OTOGL: variants seen among roughly 807,000 people sequenced by gnomAD.
OTOGL encodes otogelin-like protein.
OTOGL carries 285 observed loss-of-function variants against 318.5 expected under a neutral mutation model. The ratio of observed to expected loss-of-function variants is 0.89; its 90% confidence interval spans 0.81 to 0.99. OTOGL has a LOEUF of 0.99. Among genes scored for constraint, OTOGL ranks in the 50% least tolerant of loss-of-function variants. The probability of loss-of-function intolerance (pLI) is 0.00; values close to 1 mark genes in which losing one functional copy is unlikely to be tolerated. For synonymous variants in OTOGL, 987 were observed against 936.5 expected (o/e 1.05, Z -0.99); for missense variants, 2,899 against 2,845.6 (o/e 1.02, Z -0.43).
At chr12:80,225,829 A>G (rs918743036) in intron 7 of OTOGL, among the ~76,000 whole-genome samples, 1 of 152,148 alleles carries the variant, frequency 6.6e-6, no homozygotes, top group Non-Finnish European at 1.5e-5. Flanking sequence ...TTCAAAGGAT[A>G]TGTTGATAAA....
chr12:80,336,534 C>G lies in OTOGL; in HGVS notation c.4722C>G (p.Ile1574Met). The G allele has an allele frequency of 6.2e-7, 1 of 1,607,986 alleles. No homozygotes were observed. The highest frequency in any genetic ancestry group is 1.1e-5 in the South Asian group (1 of 90,146). The change falls in exon 40 of 59, where the codon ATC becomes ATG. Residue 1574 changes from isoleucine to methionine, a missense_variant. Around this residue, in one of 3 missense-constraint regions of OTOGL, gnomAD observed 2,607 missense variants for 2,524.9 expected, o/e 1.03. Coordinates refer to ENST00000547103, the MANE Select transcript of OTOGL (RefSeq NM_001378609.3). The stretch of plus-strand genomic sequence containing the variant: ...CTGGTGAAATTATAGTTGCTCATAT[C>G]GAAAAATGTTCCATGAATCAGGTGG... ...RIPGEIIVAH[I>M]EKCSMNQNGN...
At chr12:80,359,753 A>G (rs1490113533) in intron 52 of OTOGL, among the ~76,000 whole-genome samples, 1 of 152,240 alleles carries the variant, frequency 6.6e-6, no homozygotes, top group Non-Finnish European at 1.5e-5. Context: ...AATAACTTTC[A>G]TAATAATTCT....
In OTOGL at chr12:80,335,975, G is replaced by A. The variant is rs779266647; in HGVS notation, c.4435G>A (p.Asp1479Asn). 1.9e-6 allele frequency: 3 copies of A among 1,551,990 alleles called. No individual in the cohort carries two copies. Among genetic ancestry groups the A allele is most frequent in the Non-Finnish European group, 2.6e-6 (3 of 1,155,868 alleles). ...TGLECEPQKF[D>N]PVYDCSQYIC... ...TTTTTATTAACAGCCTCAGAAATTTGATCCTGTTTATGATTGTAGCCAATA... is the reference window on the plus strand; with the variant it reads ...TTTTTATTAACAGCCTCAGAAATTTAATCCTGTTTATGATTGTAGCCAATA... Residue 1479 changes from aspartate (D) to asparagine (N), a missense_variant, in exon 39 of 59, where the codon GAT becomes AAT. Asp to Asn is a conservative substitution (Grantham distance 23, BLOSUM62 1). Transcript: ENST00000547103.
At position 80,377,949 on chromosome 12, in the gene OTOGL, A is replaced by T. The variant is rs1891261270; in HGVS notation, c.6963A>T (p.Gly2321=). ...LRFCKCCREN[G]VRNLSVPLYC... ...TCTGCAAGTGTTGTCGTGAAAATGG[A>T]GTACGAAACTTGTCTGTGCCTCTGT... The change falls in exon 59 of 59, where the codon GGA becomes GGT. Residue 2321 remains glycine, a synonymous_variant. Coordinates refer to ENST00000547103, the MANE Select transcript of OTOGL (RefSeq NM_001378609.3). The T allele has an allele frequency of 6.2e-7, 1 of 1,609,372 alleles. No individual in the cohort carries two copies. Among genetic ancestry groups the T allele is most frequent in the Admixed American group, 1.7e-5 (1 of 59,386 alleles).
chr12:80,198,994 G>A (rs1024779839), intron 1 of OTOGL, among the ~76,000 whole-genome samples: 21 of 152,234 alleles, frequency 1.4e-4, no homozygotes, highest in Admixed American at 3.9e-4. Context: ...TAATATGCGT[G>A]TGCATATTTA....
Position 80,356,516 on chromosome 12 carries a change from A to C in OTOGL, c.5907A>C (p.Lys1969Asn). Residue 1969 changes from lysine (K) to asparagine (N), a missense_variant, in exon 48 of 59, where the codon AAA becomes AAC. Lys to Asn is a moderately conservative substitution (Grantham distance 94). Around this residue, in one of 3 missense-constraint regions of OTOGL, gnomAD observed 2,607 missense variants for 2,524.9 expected, o/e 1.03. Coordinates refer to ENST00000547103, the MANE Select transcript of OTOGL (RefSeq NM_001378609.3). The part of the protein sequence containing the change: ...HSPLSCCPQY[K>N]CECDPLKCPS... ...CTCTTTCTTGCTGTCCACAGTACAA[A>C]TGTGGTAAGTAATCAATATAGAAAA... The C allele has an allele frequency of 6.3e-7, 1 of 1,588,468 alleles. No homozygotes were observed. The highest frequency in any genetic ancestry group is 8.6e-7 in the Non-Finnish European group (1 of 1,162,342).
At position 80,207,416 on chromosome 12, in the gene OTOGL, G is replaced by A. The variant is rs550785399; in HGVS notation, c.-19-1997G>A. The stretch of plus-strand genomic sequence containing the variant: ...GACGGGGTTTTTCCATGTTGGTCAG[G>A]CTGGTCTCAAACTCCCGACCTCAGG... On this transcript the variant is annotated intron_variant, in intron 1 of 58. Transcript: ENST00000547103. Among the ~76,000 whole-genome samples, 147 of 152,100 alleles carry A rather than the reference G, an allele frequency of 9.7e-4. 1 individual carries two copies. Among genetic ancestry groups the A allele is most frequent in the Admixed American group, 3.3e-3 (51 of 15,258 alleles).
intron 1 of OTOGL, among the ~76,000 whole-genome samples, chr12:80,129,682 G>A (rs960479205): frequency 1.3e-5 from 2 of 150,846 alleles, no homozygotes; most frequent in African/African-American, 4.9e-5. Context: ...TTTCTTCACT[G>A]CCTACTCATT....
At chr12:80,241,868 C>T (rs1345327752) in intron 11 of OTOGL, among the ~76,000 whole-genome samples, 3 of 151,980 alleles carry the variant, frequency 2.0e-5, no homozygotes, top group South Asian at 2.1e-4. Flanking sequence ...TTCCTTTTGT[C>T]GAGGTTATTA....
At chr12:80,274,733 T>G (rs777622028) in intron 24 of OTOGL, among the ~76,000 whole-genome samples, 6 of 152,004 alleles carry the variant, frequency 3.9e-5, no homozygotes, top group Admixed American at 1.3e-4. Flanking sequence ...ACTCTCTTGT[T>G]AGGGGCTAAG....
At chr12:80,355,599 A>T (rs1889837687) in intron 46 of OTOGL, 137 bp from the exon 47 acceptor site, 2 of 649,618 alleles carry the variant, frequency 3.1e-6, no homozygotes, top group South Asian at 2.5e-5. Context: ...GATGAAAGAG[A>T]AATCTGAGAA....
chr12:80,186,361 TCTCTCTGCCATCC>T (rs1399329356), intron 1 of OTOGL, among the ~76,000 whole-genome samples: 1 of 152,154 alleles, frequency 6.6e-6, no homozygotes, highest in African/African-American at 2.4e-5. Context: ...ATCTTCCCTT[TCTCTCTGCCATCC>T]CTCTGGCTTA....
intron 4 of OTOGL, 30 bp downstream of exon 4, chr12:80,212,027 C>T: frequency 6.5e-7 from 1 of 1,538,660 alleles, no homozygotes; most frequent in Non-Finnish European, 8.8e-7. Context: ...GAGAGAGAGG[C>T]AGAGAAATAA....
intron 1 of OTOGL, among the ~76,000 whole-genome samples, chr12:80,205,739 G>T (rs1450331887): frequency 2.2e-4 from 34 of 152,172 alleles, no homozygotes; most frequent in Admixed American, 2.2e-3. Context: ...TTCACTAGCA[G>T]AATGTGATAT....
chr12:80,339,057 G>T lies in OTOGL; in HGVS notation c.4861-18G>T, dbSNP rs559497154. On this transcript the variant is annotated intron_variant, in intron 42 of 58. Transcript: ENST00000547103. ...TTTAAGTAAATATTTCTTAACAGGT[G>T]TATTTATGTTATTCTAGGTAGAAGT... 12 of 1,552,634 alleles carry T rather than the reference G, an allele frequency of 7.7e-6. No individual in the cohort carries two copies. The highest frequency in any genetic ancestry group is 6.8e-5 in the South Asian group (6 of 87,834).
At position 80,347,692 on chromosome 12, in the gene OTOGL, T is replaced by C. The variant is rs146739245; in HGVS notation, c.5266-4603T>C. On this transcript the variant is annotated intron_variant, in intron 44 of 58. Transcript: ENST00000547103. ...TTCTGGTTCTAGATCCTTGAGGAAT[T>C]GCCACACTGTCTTCCATAATTATTG... Among the ~76,000 whole-genome samples, 269 of 152,262 alleles carry C rather than the reference T, an allele frequency of 1.8e-3. 1 individual carries two copies. Among genetic ancestry groups the C allele is most frequent in the Middle Eastern group, 6.8e-3 (2 of 294 alleles).
chr12:80,242,965 C>T (rs920683430), intron 11 of OTOGL, among the ~76,000 whole-genome samples: 1 of 152,022 alleles, frequency 6.6e-6, no homozygotes, highest in Non-Finnish European at 1.5e-5. Flanking sequence ...ATGCCAAACC[C>T]AGCAGCAAGG....
chr12:80,167,988 C>G (rs1424244329), intron 1 of OTOGL, among the ~76,000 whole-genome samples: 1 of 151,812 alleles, frequency 6.6e-6, no homozygotes, highest in Non-Finnish European at 1.5e-5. Context: ...CTTCTCCTCT[C>G]TTCTCTTCTC....
chr12:80,119,809 T>G (rs1287098607), intron 1 of OTOGL, among the ~76,000 whole-genome samples: 4 of 152,226 alleles, frequency 2.6e-5, no homozygotes, highest in Non-Finnish European at 5.9e-5. Flanking sequence ...AATTTTAAAA[T>G]ACTACATGGT....
Sources: gnomAD v4.1 joint callset for allele counts (sites outside exome capture counted in the v4.1 genomes callset) on GRCh38, gnomAD v4.1.1 for gene constraint, gnomAD v4.1.1 regional missense constraint, MANE v1.5 for transcripts, NCBI Gene and HGNC (gene_info 2026-07-23, HGNC 2026-07-21) for gene names.